The following TMEM255A variants were observed in gnomAD, a reference collection of about 807,000 sequenced individuals.
TMEM255A encodes the protein transmembrane protein 255A.
In TMEM255A, 14 loss-of-function variants were observed where a neutral mutation model predicts 23.5. That is an observed-to-expected ratio of 0.60 (90% confidence interval 0.39 to 0.93). TMEM255A has a LOEUF of 0.93. TMEM255A is among the 40% of genes least tolerant of loss of function. The pLI, the probability that TMEM255A is intolerant of heterozygous loss-of-function variation, is 0.00. For missense variants in TMEM255A, 233 were observed against 261.7 expected (o/e 0.89, Z 0.76); for synonymous variants, 104 against 100.3 (o/e 1.04, Z -0.22).
chrX:120,285,974 G>A (rs1315207482), intron 5 of TMEM255A: 2 of 1,086,602 alleles, frequency 1.8e-6, no homozygotes, highest in African/African-American at 1.8e-5. Context: ...TTGTTATAGA[G>A]AATATTCATA....
rs186046675 is a variant in TMEM255A, at chrX:120,265,471, T to C, written c.819+2773A>G. On this transcript the variant is annotated intron_variant, in intron 8 of 8. Transcript: ENST00000371369. ...ATGAAGGAAGGGAATCCTTTTTCAG[T>C]GGGGATCAAGAGTAAAGAGACCCTT... is the stretch of plus-strand genomic sequence containing the variant. Among the ~76,000 whole-genome samples the C allele has an allele frequency of 1.2e-4, 13 of 112,077 alleles. No individual in the cohort carries two copies. The East Asian group carries it at 2.8e-3, about 24-fold the overall frequency.
intron 7 of TMEM255A, among the ~76,000 whole-genome samples, chrX:120,272,091 G>C (rs1343144369): frequency 8.9e-6 from 1 of 112,203 alleles, no homozygotes; most frequent in Non-Finnish European, 1.9e-5. Context: ...GGGAGTGGAG[G>C]GTGTGGGATG....
intron 4 of TMEM255A, among the ~76,000 whole-genome samples, chrX:120,288,519 G>A (rs1197733873): frequency 3.6e-5 from 4 of 112,166 alleles, no homozygotes; most frequent in Non-Finnish European, 5.6e-5. Context: ...CTCACCTCCT[G>A]GTTTTGCAAA....
chrX:120,254,952 T>A (rs2057627963), downstream of TMEM255A: 1 of 1,210,602 alleles, frequency 8.3e-7, no homozygotes, highest in Non-Finnish European at 1.1e-6. Flanking sequence ...GCGGAGACAT[T>A]TTAACATTCA....
chrX:120,271,418 A>G (rs1483972789), intron 7 of TMEM255A, among the ~76,000 whole-genome samples: 1 of 111,777 alleles, frequency 8.9e-6, no homozygotes, highest in Non-Finnish European at 1.9e-5. Context: ...TACCTCACAA[A>G]GTAGTAATAG....
chrX:120,279,419 G>C (rs181654723), intron 6 of TMEM255A, among the ~76,000 whole-genome samples: 1 of 112,426 alleles, frequency 8.9e-6, no homozygotes, highest in East Asian at 2.8e-4. Context: ...GACAGGGCAG[G>C]GAGGATGCAC....
intron 1 of TMEM255A, among the ~76,000 whole-genome samples, chrX:120,306,538 C>G (rs2058066233): frequency 9.0e-6 from 1 of 111,345 alleles, no homozygotes; most frequent in South Asian, 3.8e-4. Context: ...AATCTCTAGC[C>G]CTCCCCTGCC....
chrX:120,291,708 T>C (rs1298837710), intron 3 of TMEM255A, among the ~76,000 whole-genome samples: 8 of 107,285 alleles, frequency 7.5e-5, no homozygotes, highest in African/African-American at 2.7e-4. Context: ...TCCTCTATTT[T>C]ATTTATGTAG....
intron 2 of TMEM255A, among the ~76,000 whole-genome samples, chrX:120,296,501 A>C (rs1569339337): frequency 1.0e-5 from 1 of 99,171 alleles, no homozygotes; most frequent in Non-Finnish European, 2.0e-5. Flanking sequence ...ATAAGAAGAC[A>C]TGGCTACTGT....
chrX:120,311,058 C>G (rs948116008), intron 1 of TMEM255A, among the ~76,000 whole-genome samples, 194 bp downstream of exon 1: 1 of 111,060 alleles, frequency 9.0e-6, no homozygotes, highest in Non-Finnish European at 1.9e-5. Context: ...GATCTCCGCA[C>G]GTCGCTCCCG....
chrX:120,272,071 G>C (rs1248801294), intron 7 of TMEM255A, among the ~76,000 whole-genome samples: 1 of 112,369 alleles, frequency 8.9e-6, no homozygotes, highest in African/African-American at 3.2e-5. Flanking sequence ...CCAGGTCTCA[G>C]CTATAGCAGG....
intron 4 of TMEM255A, among the ~76,000 whole-genome samples, chrX:120,288,551 C>T (rs1556022278): frequency 1.8e-5 from 2 of 112,167 alleles, no homozygotes; most frequent in Non-Finnish European, 1.9e-5. Context: ...CACCAAGTGC[C>T]CTACATGAAG....
chrX:120,269,461 A>G (rs2147183240), intron 7 of TMEM255A, among the ~76,000 whole-genome samples: 1 of 112,326 alleles, frequency 8.9e-6, no homozygotes, highest in Admixed American at 9.4e-5. Context: ...ACATTAACAG[A>G]GAAGCAGAAG....
At chrX:120,270,278 C>T (rs2057747782) in intron 7 of TMEM255A, among the ~76,000 whole-genome samples, 1 of 108,679 alleles carries the variant, frequency 9.2e-6, no homozygotes, top group Non-Finnish European at 1.9e-5. Context: ...TTTGTGTGCA[C>T]GTATAGGAGT....
At chrX:120,309,214 T>C (rs782075826) in intron 1 of TMEM255A, among the ~76,000 whole-genome samples, 86 of 112,980 alleles carry the variant, frequency 7.6e-4, no homozygotes, top group African/African-American at 2.7e-3. Flanking sequence ...GCCGTCGGTC[T>C]GCGGACTTCA....
rs11342181 is a variant in TMEM255A at position 120,275,784 on chromosome X, A to ATT, written c.675+1099_675+1100dup. On this transcript the variant is annotated intron_variant, in intron 7 of 8. Transcript: ENST00000371369. ...GAATCTTTAGAGAAGGAGCCCAAGC[A>ATT]TTTTTTTTTTTTTTTTTTTTTTTTT... Among the ~76,000 whole-genome samples the ATT allele has an allele frequency of 8.3e-3, 502 of 60,248 alleles. 26 individuals are homozygous for ATT. The highest frequency in any genetic ancestry group is 0.029 in the African/African-American group (410 of 14,096). The allele number at this position is 60,248 out of a possible 115,157, so 52.3% of individuals were successfully genotyped here. A position where few individuals can be genotyped will look rare whatever the true frequency, so the allele number is the denominator to read the frequency against.
the TMEM255A span, among the ~76,000 whole-genome samples, chrX:120,252,449 A>C: frequency 9.0e-6 from 1 of 111,641 alleles, no homozygotes; most frequent in Non-Finnish European, 1.9e-5. Flanking sequence ...CTAGTGCTAC[A>C]CAACAATGCA....
chrX:120,309,154 T>C (rs1556027714), intron 1 of TMEM255A, among the ~76,000 whole-genome samples: 1 of 112,511 alleles, frequency 8.9e-6, no homozygotes, highest in African/African-American at 3.2e-5. Flanking sequence ...GACTCCCCTG[T>C]CCAAACTGTG....
chrX:120,295,577 T>A (rs906052113), intron 2 of TMEM255A, among the ~76,000 whole-genome samples: 1 of 112,190 alleles, frequency 8.9e-6, no homozygotes, highest in Admixed American at 9.4e-5. Context: ...AAGCAATGCC[T>A]GTCTCCCACC....
Sources: gnomAD v4.1 joint callset for allele counts (sites outside exome capture counted in the v4.1 genomes callset) on GRCh38, gnomAD v4.1.1 for gene constraint, MANE v1.5 for transcripts, NCBI Gene and HGNC (gene_info 2026-07-23, HGNC 2026-07-21) for gene names.